The following SNX1 variants were observed in gnomAD, a reference collection of about 807,000 sequenced individuals.
SNX1 encodes sorting nexin 1, also known as sorting nexin-1.
A neutral mutation model predicts 71.8 loss-of-function variants in SNX1; 36 were observed. The ratio of observed to expected loss-of-function variants is 0.50; its 90% confidence interval spans 0.38 to 0.66. The LOEUF (loss-of-function observed/expected upper bound fraction) is 0.66. Ranked by LOEUF, SNX1 falls within the 30% of genes least tolerant of loss-of-function variation. SNX1 has a pLI of 0.00. For synonymous variants in SNX1, 254 were observed against 240.7 expected, an observed-to-expected ratio of 1.06 and a Z score of -0.51; for missense variants, 612 against 646.7, an observed-to-expected ratio of 0.95 and a Z score of 0.58.
intron 1 of SNX1, among the ~76,000 whole-genome samples, chr15:64,111,930 A>G (rs554413894): frequency 9.8e-5 from 15 of 152,342 alleles, no homozygotes; most frequent in East Asian, 7.7e-4. Context: ...AATAAAGGCT[A>G]TGGACTGACT....
chr15:64,129,845 G>T lies in SNX1; in HGVS notation c.808-71G>T. 1 of 1,110,518 alleles carries T rather than the reference G, an allele frequency of 9.0e-7. No individual in the cohort carries two copies. Among genetic ancestry groups the T allele is most frequent in the South Asian group, 1.2e-5 (1 of 80,136 alleles). The allele number at this position is 1,110,518 out of a possible 1,614,324, so 68.8% of individuals were successfully genotyped here. A position where few individuals can be genotyped will look rare whatever the true frequency, so the allele number is the denominator to read the frequency against. ...GCAAGTTTTGGCATGCCATCTGATGGATACTAATTCTTCTGAACCTAAAAT... is the reference window on the plus strand; with the variant it reads ...GCAAGTTTTGGCATGCCATCTGATGTATACTAATTCTTCTGAACCTAAAAT... On this transcript the variant is annotated intron_variant, in intron 8 of 14. Coordinates refer to ENST00000559844, the MANE Select transcript of SNX1 (RefSeq NM_003099.5). This position sits in a 1 kb window ranked among gnomAD's most constrained non-coding sequence, Gnocchi z 4.4.
chr15:64,136,579 G>A (rs1217538590), intron 13 of SNX1, among the ~76,000 whole-genome samples, 169 bp downstream of exon 13: 1 of 152,100 alleles, frequency 6.6e-6, no homozygotes, highest in African/African-American at 2.4e-5. Context: ...TAGGAACAGT[G>A]GCAATCTTAC....
Position 64,104,278 on chromosome 15 carries a change from T to TG in SNX1, c.159+8106_159+8107insG, listed in dbSNP as rs1406657912. On this transcript the variant is annotated intron_variant, in intron 1 of 14. Transcript: ENST00000559844. ...ACCAGTTTTGGAGTAAAGGGTTTTT[T>TG]TTTTTTTTTTTTGGGACGGAGTCTC... Among the ~76,000 whole-genome samples the TG allele has an allele frequency of 4.0e-5, 6 of 150,188 alleles. No individual in the cohort carries two copies. In the East Asian group the frequency reaches 7.9e-4, roughly 20 times the overall value.
At chr15:64,101,259 T>TA (rs2080958654) in intron 1 of SNX1, among the ~76,000 whole-genome samples, 1 of 152,360 alleles carries the variant, frequency 6.6e-6, no homozygotes, top group African/African-American at 2.4e-5. Context: ...TGAAACTCTG[T>TA]ACTTATTAAA....
chr15:64,104,854 C>T (rs1256507791), intron 1 of SNX1, among the ~76,000 whole-genome samples: 1 of 149,730 alleles, frequency 6.7e-6, no homozygotes, highest in East Asian at 2.0e-4. Context: ...CACTGCACTC[C>T]AGCCTGGGCG....
chr15:64,112,709 C>G (rs775452663), intron 2 of SNX1, 25 bp downstream of exon 2: 1 of 1,456,706 alleles, frequency 6.9e-7, no homozygotes, highest in South Asian at 1.2e-5. Flanking sequence ...AAAAGTTACT[C>G]TAGGAACCTC....
intron 11 of SNX1, among the ~76,000 whole-genome samples, chr15:64,132,107 A>T (rs11853761): frequency 6.6e-6 from 1 of 152,246 alleles, no homozygotes. Context: ...CAAGATTCCT[A>T]GATGGCATTT....
intron 2 of SNX1, among the ~76,000 whole-genome samples, chr15:64,114,030 A>G (rs1327675734): frequency 1.3e-5 from 2 of 152,214 alleles, no homozygotes. Flanking sequence ...TGTAATTTGG[A>G]AACAGATTTG....
At chr15:64,120,793 G>A (rs569013323) in intron 4 of SNX1, among the ~76,000 whole-genome samples, 8 of 152,274 alleles carry the variant, frequency 5.3e-5, no homozygotes, top group African/African-American at 1.9e-4. Context: ...GTGAGCTGAG[G>A]TAATACTACT....
Position 64,126,012 on chromosome 15 carries a change from G to A in SNX1, c.511-67G>A, listed in dbSNP as rs937201229. On this transcript the variant is annotated intron_variant, in intron 5 of 14. Transcript: ENST00000559844. ...GAAATGGGTTTCTTTAATGTCAATAGGATGACTTTCAAGATACCATCCCCT... is the reference window on the plus strand; with the variant it reads ...GAAATGGGTTTCTTTAATGTCAATAAGATGACTTTCAAGATACCATCCCCT... 7.2e-6 allele frequency: 11 copies of A among 1,534,034 alleles called. No homozygotes were observed. The African/African-American group carries it at 1.1e-4, about 15-fold the overall frequency.
At chr15:64,122,564 G>T (rs2081206617) in intron 4 of SNX1, among the ~76,000 whole-genome samples, 1 of 152,090 alleles carries the variant, frequency 6.6e-6, no homozygotes, top group African/African-American at 2.4e-5. Flanking sequence ...AGTACTGCCT[G>T]CTCTTCCTTC....
intron 1 of SNX1, among the ~76,000 whole-genome samples, chr15:64,097,064 T>C (rs2080910270): frequency 6.6e-6 from 1 of 152,252 alleles, no homozygotes; most frequent in Non-Finnish European, 1.5e-5. Flanking sequence ...TACAAAGTTT[T>C]CTGGATTTTA....
intron 1 of SNX1, among the ~76,000 whole-genome samples, chr15:64,100,039 G>C (rs145637947): frequency 6.6e-6 from 1 of 152,198 alleles, no homozygotes; most frequent in South Asian, 2.1e-4. Context: ...GCTAATTTAA[G>C]TTAATCTTCA....
intron 13 of SNX1, 148 bp downstream of exon 13, chr15:64,136,558 G>A (rs2081362193): frequency 2.8e-6 from 2 of 708,910 alleles, no homozygotes; most frequent in Non-Finnish European, 5.1e-6. Context: ...GGGGGGGTGT[G>A]TGCTTGATCC....
intron 1 of SNX1, among the ~76,000 whole-genome samples, chr15:64,102,636 T>G (rs1214146773): frequency 1.3e-5 from 2 of 152,224 alleles, no homozygotes; most frequent in Non-Finnish European, 2.9e-5. Flanking sequence ...ACATTTGTCT[T>G]TCTGTGCCTG....
rs2081375608 is a variant in SNX1, at chr15:64,137,866, G to C, written c.*248G>C. 2 of 1,403,182 alleles carry C rather than the reference G, an allele frequency of 1.4e-6. No homozygotes were observed. Among genetic ancestry groups the C allele is most frequent in the East Asian group, 2.5e-5 (1 of 39,410 alleles). 86.9% of individuals were successfully genotyped at this position (1,403,182 alleles called of 1,614,324 possible). ...ACCTACAATAGGTGGTGGAATTATG[G>C]GATGGGGTGGAGTATTGATATAAAT... On this transcript the variant is annotated 3_prime_UTR_variant, in exon 15 of 15. Coordinates refer to ENST00000559844, the MANE Select transcript of SNX1 (RefSeq NM_003099.5).
Position 64,134,673 on chromosome 15 carries a change from G to T in SNX1, c.1231G>T (p.Asp411Tyr), listed in dbSNP as rs987793234. ...RLLAIVRAAF[D>Y]QRMKTWQRWQ... ...AACCCCACCCCCACAGGCTGCCTTC[G>T]ACCAGCGCATGAAGACATGGCAGCG... The change falls in exon 12 of 15, where the codon GAC (aspartate) becomes TAC (tyrosine). Residue 411 changes from aspartate (D) to tyrosine (Y), a missense_variant. By Grantham distance (160) the Asp-to-Tyr change is radical. This residue lies in a region of SNX1 where 296 missense variants were observed against 361.9 expected (regional missense o/e 0.82). Coordinates refer to ENST00000559844, the MANE Select transcript of SNX1 (RefSeq NM_003099.5). This position sits in a 1 kb window ranked among gnomAD's most constrained non-coding sequence, Gnocchi z 4.1. 3 of 1,611,562 alleles carry T rather than the reference G, an allele frequency of 1.9e-6. No individual in the cohort carries two copies. Among genetic ancestry groups the T allele is most frequent in the East Asian group, 2.2e-5 (1 of 44,852 alleles).
intron 1 of SNX1, among the ~76,000 whole-genome samples, chr15:64,104,272 G>GTT (rs34006143): frequency 0.017 from 2,151 of 123,094 alleles, 39 homozygotes; most frequent in Non-Finnish European, 0.021. Context: ...GGAGTAAAGG[G>GTT]TTTTTTTTTT....
chr15:64,111,533 C>G (rs1419028294), intron 1 of SNX1: 3 of 152,180 alleles, frequency 2.0e-5, no homozygotes, highest in African/African-American at 7.2e-5. Context: ...TGACTGTGAA[C>G]AGTCAATTGA....
Sources: gnomAD v4.1 joint callset for allele counts (sites outside exome capture counted in the v4.1 genomes callset) on GRCh38, gnomAD v4.1.1 for gene constraint, gnomAD v4.1.1 regional missense constraint, Gnocchi (gnomAD v3.1) non-coding constraint, MANE v1.5 for transcripts, NCBI Gene and HGNC (gene_info 2026-07-23, HGNC 2026-07-21) for gene names.